Variants in GABRB2 observed in about 807,000 individuals in gnomAD.
The protein encoded by GABRB2 is gamma-aminobutyric acid receptor subunit beta-2.
In GABRB2, 16 loss-of-function variants were observed where a neutral mutation model predicts 54.7. The observed-to-expected ratio is 0.29, with a 90% CI of 0.20 to 0.44. The LOEUF is 0.44. Ranked by LOEUF, GABRB2 falls within the 20% of genes least tolerant of loss-of-function variation. The probability of loss-of-function intolerance (pLI) is 1.00; values close to 1 mark genes in which losing one functional copy is unlikely to be tolerated. For synonymous variants in GABRB2, 244 were observed against 233.8 expected, an observed-to-expected ratio of 1.04 and a Z score of -0.40; for missense variants, 355 against 644.0, an observed-to-expected ratio of 0.55 and a Z score of 4.86.
In GABRB2 at chr5:161,427,532, C is replaced by A. The variant is rs186700395; in HGVS notation, c.459-16475G>T. Among the ~76,000 whole-genome samples the A allele has an allele frequency of 3.2e-4, 49 of 152,196 alleles. 3 individuals are homozygous for A. The highest frequency in any genetic ancestry group is 1.5e-5 in the Non-Finnish European group (1 of 67,992). On this transcript the variant is annotated intron_variant, in intron 4 of 9. Transcript: ENST00000393959. ...TGGGGTTCTGTACGTTCAAGTTCAC[C>A]AAAGCAGCCTCTATCTTTAATTCCT... is the stretch of plus-strand genomic sequence containing the variant.
intron 5 of GABRB2, among the ~76,000 whole-genome samples, chr5:161,352,842 A>G (rs1258355734): frequency 6.6e-6 from 1 of 152,026 alleles, no homozygotes; most frequent in Non-Finnish European, 1.5e-5. Flanking sequence ...AAGTAAAATT[A>G]ATAAATAAAA....
At chr5:161,465,214 T>C (rs1301757061) in intron 3 of GABRB2, among the ~76,000 whole-genome samples, 1 of 151,050 alleles carries the variant, frequency 6.6e-6, no homozygotes, top group East Asian at 2.0e-4. Flanking sequence ...CTAATTAACA[T>C]AGGAACTGGG....
chr5:161,509,511 T>C (rs902597877), intron 3 of GABRB2, among the ~76,000 whole-genome samples: 2 of 151,954 alleles, frequency 1.3e-5, no homozygotes, highest in African/African-American at 4.8e-5. Flanking sequence ...GAAAGAGTTA[T>C]TCACATTCCT....
chr5:161,518,829 A>G (rs1376700844), intron 3 of GABRB2, among the ~76,000 whole-genome samples: 1 of 152,250 alleles, frequency 6.6e-6, no homozygotes, highest in African/African-American at 2.4e-5. Flanking sequence ...ACTGCAATTT[A>G]TAAATTAATA....
chr5:161,512,047 G>A (rs1185434096), intron 3 of GABRB2, among the ~76,000 whole-genome samples: 1 of 151,832 alleles, frequency 6.6e-6, no homozygotes, highest in African/African-American at 2.4e-5. Context: ...TTGGGTTTTG[G>A]TAAAGCTCTA....
Position 161,292,234 on chromosome 5 carries a change from A to G in GABRB2, c.*1847T>C, listed in dbSNP as rs1435354363. On this transcript the variant is annotated 3_prime_UTR_variant, in exon 10 of 10. Coordinates refer to ENST00000393959, the MANE Select transcript of GABRB2 (RefSeq NM_001371727.1). Reference sequence around the variant, plus strand: ...CAAGCTGCTAAATCATGAAGGAAACAAGGAATCAAGAAAACATACATTATT... The same window carrying G: ...CAAGCTGCTAAATCATGAAGGAAACGAGGAATCAAGAAAACATACATTATT... 1 of 152,252 alleles carries G rather than the reference A, an allele frequency of 6.6e-6. No homozygotes were observed. Among genetic ancestry groups the G allele is most frequent in the Non-Finnish European group, 1.5e-5 (1 of 68,044 alleles). The allele number at this position is 152,252 out of a possible 1,614,324, so 9.4% of individuals were successfully genotyped here. A position where few individuals can be genotyped will look rare whatever the true frequency, so the allele number is the denominator to read the frequency against.
intron 5 of GABRB2, among the ~76,000 whole-genome samples, chr5:161,345,788 C>T (rs961783577): frequency 6.6e-6 from 1 of 152,072 alleles, no homozygotes; most frequent in Non-Finnish European, 1.5e-5. Context: ...GGATAGTCTT[C>T]CCCTCTAGAC....
chr5:161,364,354 T>G (rs1672875698), intron 5 of GABRB2, among the ~76,000 whole-genome samples: 1 of 152,216 alleles, frequency 6.6e-6, no homozygotes. Context: ...GAGTATACGA[T>G]ATAGTTTTGG....
rs61435530 is a variant in GABRB2, at chr5:161,443,307, T to C, written c.458+16317A>G. On this transcript the variant is annotated intron_variant, in intron 4 of 9. Transcript: ENST00000393959. ...TGAACAATAATAATTTCAACAACAA[T>C]AACACTTTTTCATAATTTTAAAATA... Among the ~76,000 whole-genome samples, 1,448 of 152,278 alleles carry C rather than the reference T, an allele frequency of 9.5e-3. 21 individuals are homozygous for C. Among genetic ancestry groups the C allele is most frequent in the Middle Eastern group, 0.027 (8 of 294 alleles).
At chr5:161,504,033 C>T (rs1040671100) in intron 3 of GABRB2, among the ~76,000 whole-genome samples, 1 of 151,978 alleles carries the variant, frequency 6.6e-6, no homozygotes, top group Non-Finnish European at 1.5e-5. Context: ...CAACTAATTA[C>T]AGACCTTTAA....
intron 5 of GABRB2, among the ~76,000 whole-genome samples, chr5:161,368,366 A>G (rs1755033302): frequency 6.6e-6 from 1 of 152,136 alleles, no homozygotes; most frequent in Admixed American, 6.6e-5. Flanking sequence ...TCACTTTGTT[A>G]GATATTACAG....
chr5:161,466,695 C>T (rs1758287977), intron 3 of GABRB2, among the ~76,000 whole-genome samples: 1 of 152,006 alleles, frequency 6.6e-6, no homozygotes, highest in South Asian at 2.1e-4. Context: ...CTCCCCTTGT[C>T]TCAAGCCTGC....
At chr5:161,454,702 G>A (rs1312516853) in intron 4 of GABRB2, among the ~76,000 whole-genome samples, 2 of 151,998 alleles carry the variant, frequency 1.3e-5, no homozygotes, top group Non-Finnish European at 2.9e-5. Flanking sequence ...CTGACTCAAA[G>A]AATGACTGGG....
intron 5 of GABRB2, among the ~76,000 whole-genome samples, chr5:161,397,452 TAATA>T (rs1455989255): frequency 6.6e-6 from 1 of 152,152 alleles, no homozygotes; most frequent in East Asian, 1.9e-4. Flanking sequence ...TAAATAACCA[TAATA>T]AATATTTATT....
intron 5 of GABRB2, among the ~76,000 whole-genome samples, chr5:161,405,655 C>T (rs964734145): frequency 8.6e-5 from 13 of 151,986 alleles, no homozygotes; most frequent in African/African-American, 2.7e-4. Flanking sequence ...AAGGTGCTAT[C>T]GACGTTTACC....
intron 3 of GABRB2, among the ~76,000 whole-genome samples, chr5:161,512,888 CA>C (rs1333160817): frequency 1.3e-5 from 2 of 151,320 alleles, no homozygotes; most frequent in Non-Finnish European, 3.0e-5. Context: ...AAAAACTGGG[CA>C]AAAAATATGT....
chr5:161,539,514 A>G (rs887990531), intron 3 of GABRB2, among the ~76,000 whole-genome samples: 5 of 152,242 alleles, frequency 3.3e-5, no homozygotes, highest in African/African-American at 1.2e-4. Flanking sequence ...ATAACTAGCC[A>G]AGTCAGAGAA....
At chr5:161,385,318 T>C (rs960451824) in intron 5 of GABRB2, among the ~76,000 whole-genome samples, 1 of 152,226 alleles carries the variant, frequency 6.6e-6, no homozygotes, top group African/African-American at 2.4e-5. Context: ...CATAAACATT[T>C]CACCGTGAAA....
chr5:161,371,881 G>A (rs537791526), intron 5 of GABRB2, among the ~76,000 whole-genome samples: 49 of 152,014 alleles, frequency 3.2e-4, no homozygotes, highest in African/African-American at 8.7e-4. Context: ...ACCACTATGC[G>A]TGGCTATTTT....
Sources: gnomAD v4.1 joint callset for allele counts (sites outside exome capture counted in the v4.1 genomes callset) on GRCh38, gnomAD v4.1.1 for gene constraint, MANE v1.5 for transcripts, NCBI Gene and HGNC (gene_info 2026-07-23, HGNC 2026-07-21) for gene names.